PARD3B: variants seen among roughly 807,000 people sequenced by gnomAD.
The protein encoded by PARD3B is partitioning defective 3 homolog B.
PARD3B carries 103 observed loss-of-function variants against 130.2 expected under a neutral mutation model. That is an observed-to-expected ratio of 0.79 (90% CI 0.67 to 0.93). The LOEUF is 0.93. PARD3B is among the 40% of genes least tolerant of loss of function. The pLI is 0.00. For missense variants in PARD3B, 1,609 were observed against 1,499.2 expected (o/e 1.07, Z -1.21); for synonymous variants, 583 against 553.2 (o/e 1.05, Z -0.76).
intron 2 of PARD3B, among the ~76,000 whole-genome samples, chr2:204,900,387 C>A (rs1012707520): frequency 2.0e-5 from 3 of 152,058 alleles, no homozygotes; most frequent in African/African-American, 7.2e-5. Context: ...TTGATCAGTT[C>A]TGCTCTTAGG....
At chr2:204,570,809 A>AAGCTGTTGTAACTGAGGTGTATG (rs2031954109) in intron 1 of PARD3B, among the ~76,000 whole-genome samples, 1 of 150,518 alleles carries the variant, frequency 6.6e-6, no homozygotes, top group African/African-American at 2.5e-5. Context: ...TGAGGTGTAT[A>AAGCTGTTGTAACTGAGGTGTATG]AGCTGTTGTA....
At chr2:205,211,023 C>T (rs1223508664) in intron 15 of PARD3B, among the ~76,000 whole-genome samples, 2 of 152,066 alleles carry the variant, frequency 1.3e-5, no homozygotes, top group African/African-American at 4.8e-5. Context: ...TTGTGTCTTT[C>T]ATTAAGTGTT....
chr2:205,216,521 G>A (rs2037920410), intron 15 of PARD3B, among the ~76,000 whole-genome samples: 1 of 151,918 alleles, frequency 6.6e-6, no homozygotes, highest in African/African-American at 2.4e-5. Context: ...AAAATCAATT[G>A]GCAGTATAAA....
chr2:205,042,435 G>T (rs575338950), intron 3 of PARD3B, among the ~76,000 whole-genome samples: 1 of 152,112 alleles, frequency 6.6e-6, no homozygotes, highest in Admixed American at 6.6e-5. Flanking sequence ...CCTGAATGTG[G>T]TATAAGTCCT....
Position 204,606,657 on chromosome 2 carries a change from C to T in PARD3B, c.120+60538C>T, listed in dbSNP as rs2033735777. ...ACCATTTATGAAGAAGCTCCAGTGG[C>T]TACCACAGATGACGCACTGGTCTCA... is the stretch of plus-strand genomic sequence containing the variant. On this transcript the variant is annotated intron_variant, in intron 1 of 22. Coordinates refer to ENST00000406610, the MANE Select transcript of PARD3B (RefSeq NM_001302769.2). The surrounding 1 kb of genome is among the most constrained non-coding windows in gnomAD (Gnocchi z 4.0). Among the ~76,000 whole-genome samples the T allele has an allele frequency of 6.6e-6, 1 of 152,106 alleles. No homozygotes were observed. Among genetic ancestry groups the T allele is most frequent in the Admixed American group, 6.6e-5 (1 of 15,250 alleles).
At chr2:205,339,997 T>C (rs1511873) in intron 18 of PARD3B, among the ~76,000 whole-genome samples, 96,494 of 151,826 alleles carry the variant, frequency 0.64, 32,644 homozygotes, top group Admixed American at 0.78. Flanking sequence ...GAAACAATTA[T>C]GTGTGTCCTA....
At chr2:205,578,382 A>T (rs557230879) in intron 22 of PARD3B, among the ~76,000 whole-genome samples, 9 of 152,312 alleles carry the variant, frequency 5.9e-5, no homozygotes, top group Non-Finnish European at 1.0e-4. Context: ...TCCCCCCCAA[A>T]AAAGAAAGAC....
intron 20 of PARD3B, among the ~76,000 whole-genome samples, chr2:205,480,974 G>A (rs527704740): frequency 1.3e-5 from 2 of 152,282 alleles, no homozygotes; most frequent in South Asian, 2.1e-4. Context: ...TCCTGGGGCT[G>A]TGACAAGCTT....
At chr2:205,249,623 T>A (rs2039750549) in intron 16 of PARD3B, among the ~76,000 whole-genome samples, 1 of 152,160 alleles carries the variant, frequency 6.6e-6, no homozygotes. Flanking sequence ...AGTCCAGTAT[T>A]CTTGAGATTT....
At chr2:205,172,402 C>T (rs1034039741) in intron 12 of PARD3B, 21 bp downstream of exon 12, 16 of 1,604,292 alleles carry the variant, frequency 1.0e-5, no homozygotes, top group Middle Eastern at 3.3e-4. Context: ...TCTTGATTCT[C>T]CTCAGCCAGT....
Position 205,193,280 on chromosome 2 carries a change from T to G in PARD3B, c.2100T>G (p.Pro700=), listed in dbSNP as rs1183112990. The stretch of plus-strand genomic sequence containing the variant: ...GATCTGTGACACCGGCCAGGCAGCC[T>G]GAATCAATTAATTTGAAAGCCTCGA... ...NFRSVTPARQ[P]ESINLKASKS... is the part of the protein sequence containing the mutation. Residue 700 remains proline, a synonymous_variant, in exon 15 of 23, where the codon CCT becomes CCG. Coordinates refer to ENST00000406610, the MANE Select transcript of PARD3B (RefSeq NM_001302769.2). The G allele has an allele frequency of 6.2e-7, 1 of 1,613,420 alleles. No individual in the cohort carries two copies.
At chr2:205,254,088 TAAAAAAA>T (rs11287171) in intron 16 of PARD3B, among the ~76,000 whole-genome samples, 13 of 75,974 alleles carry the variant, frequency 1.7e-4, no homozygotes, top group East Asian at 3.9e-4. Context: ...GTAGAGAAAT[TAAAAAAA>T]AAAAAAAAAA....
intron 15 of PARD3B, 36 bp from the exon 16 acceptor site, chr2:205,245,742 G>C (rs377415999): frequency 4.0e-6 from 6 of 1,517,564 alleles, no homozygotes; most frequent in South Asian, 2.4e-5. Flanking sequence ...TTTACAAGCC[G>C]GTCTGATCCT....
intron 2 of PARD3B, among the ~76,000 whole-genome samples, chr2:204,926,613 G>A (rs11694932): frequency 0.23 from 35,373 of 151,788 alleles, 4,501 homozygotes; most frequent in Non-Finnish European, 0.29. Flanking sequence ...ATCCGTGACA[G>A]CATTTTACCC....
At chr2:205,339,015 G>A (rs1574743253) in intron 18 of PARD3B, among the ~76,000 whole-genome samples, 1 of 152,138 alleles carries the variant, frequency 6.6e-6, no homozygotes, top group South Asian at 2.1e-4. Flanking sequence ...TATATCTCTG[G>A]TAGCCTCTAT....
At chr2:205,046,942 C>G (rs1263066447) in intron 3 of PARD3B, among the ~76,000 whole-genome samples, 1 of 152,170 alleles carries the variant, frequency 6.6e-6, no homozygotes. Context: ...TAATAACTGA[C>G]TCAAATATTT....
chr2:204,702,449 G>T (rs1018171720), intron 2 of PARD3B, among the ~76,000 whole-genome samples: 5 of 152,060 alleles, frequency 3.3e-5, no homozygotes, highest in African/African-American at 1.2e-4. Context: ...GTATAAGATG[G>T]TATTTCATTG....
chr2:205,469,092 G>A (rs1357368608), intron 20 of PARD3B, among the ~76,000 whole-genome samples: 1 of 151,898 alleles, frequency 6.6e-6, no homozygotes, highest in Non-Finnish European at 1.5e-5. Context: ...ACAGTGTGTT[G>A]GAATTGACTG....
At chr2:204,719,902 A>C (rs1442174242) in intron 2 of PARD3B, among the ~76,000 whole-genome samples, 1 of 152,204 alleles carries the variant, frequency 6.6e-6, no homozygotes, top group Non-Finnish European at 1.5e-5. Context: ...TATAGTTGTG[A>C]GTAAATCTCA....
Sources: allele counts gnomAD v4.1 joint callset (sites outside exome capture counted in the v4.1 genomes callset), GRCh38; gene constraint gnomAD v4.1.1; non-coding constraint Gnocchi (gnomAD v3.1); transcripts MANE v1.5; gene names NCBI Gene and HGNC (gene_info 2026-07-23, HGNC 2026-07-21).